The following SDHAF2 variants were observed in gnomAD, a reference collection of about 807,000 sequenced individuals.
The protein encoded by SDHAF2 is succinate dehydrogenase complex assembly factor 2.
In SDHAF2, 21 loss-of-function variants were observed where a neutral mutation model predicts 18.5. The observed-to-expected ratio is 1.13, with a 90% CI of 0.80 to 1.63. The LOEUF (loss-of-function observed/expected upper bound fraction) is 1.63, where lower values mean the gene tolerates loss of function less well. Ranked by LOEUF, SDHAF2 falls within the 40% of genes most tolerant of loss-of-function variation. The pLI is 0.00. For missense variants in SDHAF2, 195 were observed against 200.3 expected (o/e 0.97, Z 0.16); for synonymous variants, 84 against 70.7 (o/e 1.19, Z -0.94).
chr11:61,442,619 T>C (rs934331481), intron 3 of SDHAF2, among the ~76,000 whole-genome samples: 1 of 152,208 alleles, frequency 6.6e-6, no homozygotes, highest in Non-Finnish European at 1.5e-5. Context: ...TTTCATATCT[T>C]TTATTATTGT....
At chr11:61,444,920 T>TA (rs1243934989) in intron 3 of SDHAF2, among the ~76,000 whole-genome samples, 7 of 152,200 alleles carry the variant, frequency 4.6e-5, no homozygotes, top group Non-Finnish European at 7.3e-5. Context: ...AGTTCTCTGA[T>TA]ATCTTTGAGA....
rs1306048994 is a variant in SDHAF2, at chr11:61,446,308, G to A, written c.*237G>A. Reference sequence around the variant, plus strand: ...TCAAAAGTGATTTGTCAGCAGCGCTGGCATGCAGGCTTTGCCTGGCTGCTA... The same window carrying A: ...TCAAAAGTGATTTGTCAGCAGCGCTAGCATGCAGGCTTTGCCTGGCTGCTA... On this transcript the variant is annotated 3_prime_UTR_variant, in exon 4 of 4. Coordinates refer to ENST00000301761, the MANE Select transcript of SDHAF2 (RefSeq NM_017841.4). The A allele has an allele frequency of 1.6e-6, 1 of 612,836 alleles. No homozygotes were observed. The highest frequency in any genetic ancestry group is 2.9e-6 in the Non-Finnish European group (1 of 344,158). The allele number at this position is 612,836 out of a possible 1,614,324, so 38.0% of individuals were successfully genotyped here. A position where few individuals can be genotyped will look rare whatever the true frequency, so the allele number is the denominator to read the frequency against.
intron 1 of SDHAF2, chr11:61,430,493 A>G: frequency 3.9e-6 from 2 of 516,622 alleles, no homozygotes; most frequent in Non-Finnish European, 3.4e-6. Context: ...CCCGTTCTTT[A>G]GTCTTTAATG....
intron 3 of SDHAF2, among the ~76,000 whole-genome samples, chr11:61,440,157 A>G (rs1465930173): frequency 6.6e-6 from 1 of 151,436 alleles, no homozygotes; most frequent in Non-Finnish European, 1.5e-5. Flanking sequence ...TCTACTAAAA[A>G]TGCAAAAGTT....
At chr11:61,436,930 G>GCTGT in intron 1 of SDHAF2, 1 of 1,281,560 alleles carries the variant, frequency 7.8e-7, no homozygotes, top group Non-Finnish European at 1.0e-6. Context: ...TAGGGATCAT[G>GCTGT]CTGTCTCTGT....
At chr11:61,445,919 T>A (rs1862131331) in intron 3 of SDHAF2, 22 bp from the exon 4 acceptor site, 1 of 1,614,002 alleles carries the variant, frequency 6.2e-7, no homozygotes, top group South Asian at 1.1e-5. Context: ...CATAATTTTT[T>A]CTGCCCACTC....
chr11:61,445,831 G>A, intron 3 of SDHAF2, 110 bp from the exon 4 acceptor site: 2 of 1,235,910 alleles, frequency 1.6e-6, no homozygotes, highest in Non-Finnish European at 1.2e-6. Context: ...GATGGAGACA[G>A]TCTATATATC....
intron 3 of SDHAF2, among the ~76,000 whole-genome samples, chr11:61,442,687 T>G (rs1429798111): frequency 6.6e-6 from 1 of 152,334 alleles, no homozygotes; most frequent in Admixed American, 6.5e-5. Context: ...TTTCTCCCTC[T>G]TTTCCTTCTA....
intron 1 of SDHAF2, chr11:61,430,690 A>G (rs1354123602): frequency 6.0e-6 from 1 of 167,822 alleles, no homozygotes; most frequent in Non-Finnish European, 1.3e-5. Flanking sequence ...ACTTTTCAAG[A>G]TCTTTTTCTA....
intron 1 of SDHAF2, chr11:61,434,610 T>TTTTTTTTTTTTTTTTTTA (rs1861972086): frequency 6.7e-6 from 1 of 150,272 alleles, no homozygotes; most frequent in African/African-American, 2.5e-5. Flanking sequence ...TTTTTTTTTT[T>TTTTTTTTTTTTTTTTTTA]AGAAAAAACC....
chr11:61,430,805 A>C (rs1458700397), intron 1 of SDHAF2: 1 of 152,244 alleles, frequency 6.6e-6, no homozygotes, highest in African/African-American at 2.4e-5. Flanking sequence ...GTTATAAAGT[A>C]ACTAACTTTG....
intron 3 of SDHAF2, among the ~76,000 whole-genome samples, chr11:61,438,731 G>A (rs1481622559): frequency 1.3e-5 from 2 of 152,206 alleles, no homozygotes; most frequent in African/African-American, 2.4e-5. Flanking sequence ...AACTAAGTCT[G>A]CATAGCCAAA....
Position 61,446,368 on chromosome 11 carries a change from C to CA in SDHAF2, c.*298dup. On this transcript the variant is annotated 3_prime_UTR_variant, in exon 4 of 4. Coordinates refer to ENST00000301761, the MANE Select transcript of SDHAF2 (RefSeq NM_017841.4). The stretch of plus-strand genomic sequence containing the variant: ...GCAAGTCTGCCACGAGAGGGCACTG[C>CA]AGGCGAAGCAGTTGTGCTTGCTCAT... 1 of 599,364 alleles carries CA rather than the reference C, an allele frequency of 1.7e-6. No individual in the cohort carries two copies. Among genetic ancestry groups the CA allele is most frequent in the Non-Finnish European group, 3.0e-6 (1 of 336,844 alleles). The allele number at this position is 599,364 out of a possible 1,614,324, so 37.1% of individuals were successfully genotyped here.
At chr11:61,440,618 A>G (rs1261737739) in intron 3 of SDHAF2, among the ~76,000 whole-genome samples, 4 of 152,096 alleles carry the variant, frequency 2.6e-5, no homozygotes, top group African/African-American at 9.7e-5. Context: ...AATAAATAAA[A>G]CTTTTAGTAC....
intron 3 of SDHAF2, among the ~76,000 whole-genome samples, chr11:61,444,899 C>T (rs1340405041): frequency 6.6e-6 from 1 of 152,136 alleles, no homozygotes; most frequent in Non-Finnish European, 1.5e-5. Context: ...GTTGGGTTGC[C>T]TCGTGACCTC....
intron 3 of SDHAF2, 54 bp from the exon 4 acceptor site, chr11:61,445,887 C>T (rs1263830386): frequency 1.0e-5 from 16 of 1,605,910 alleles, no homozygotes; most frequent in Non-Finnish European, 1.3e-5. Context: ...GATTCTCATA[C>T]CTGAGCATTG....
Position 61,446,439 on chromosome 11 carries a change from C to T in SDHAF2, c.*368C>T, listed in dbSNP as rs1369433988. On this transcript the variant is annotated 3_prime_UTR_variant, in exon 4 of 4. Coordinates refer to ENST00000301761, the MANE Select transcript of SDHAF2 (RefSeq NM_017841.4). ...CAAAGAAAAGAGGCAGCCAGCTGTG[C>T]GTGCTGTATGGAAAGCCTCCCGCCC... 1.4e-5 allele frequency: 8 copies of T among 569,550 alleles called. No homozygotes were observed. The highest frequency in any genetic ancestry group is 3.3e-5 in the Admixed American group (1 of 30,308). The allele number at this position is 569,550 out of a possible 1,614,324, so 35.3% of individuals were successfully genotyped here. A position where few individuals can be genotyped will look rare whatever the true frequency, so the allele number is the denominator to read the frequency against.
chr11:61,446,033 G>A lies in SDHAF2; in HGVS notation c.463G>A (p.Ala155Thr). ...KNKNKEQRLR[A>T]PDLEYLFEKP... ...CAAAAACAAAGAGCAGAGACTGCGTGCCCCAGATCTTGAGTACCTCTTTGA... is the reference window on the plus strand; with the variant it reads ...CAAAAACAAAGAGCAGAGACTGCGTACCCCAGATCTTGAGTACCTCTTTGA... The change falls in exon 4 of 4, where the codon GCC becomes ACC. Residue 155 changes from alanine to threonine, a missense_variant. Physicochemically the swap from Ala to Thr is moderately conservative, Grantham distance 58 (BLOSUM62 0). Transcript: ENST00000301761. The A allele has an allele frequency of 6.2e-7, 1 of 1,614,202 alleles. No individual in the cohort carries two copies. The highest frequency in any genetic ancestry group is 8.5e-7 in the Non-Finnish European group (1 of 1,180,038).
chr11:61,436,306 G>C (rs1861993141), intron 1 of SDHAF2, among the ~76,000 whole-genome samples: 1 of 152,116 alleles, frequency 6.6e-6, no homozygotes, highest in Admixed American at 6.6e-5. Context: ...CAGTCCCCCA[G>C]AGAGCCCCAA....
Sources: gnomAD v4.1 joint callset for allele counts (sites outside exome capture counted in the v4.1 genomes callset) on GRCh38, gnomAD v4.1.1 for gene constraint, MANE v1.5 for transcripts, NCBI Gene and HGNC (gene_info 2026-07-23, HGNC 2026-07-21) for gene names.